The following IPO11 variants were observed in gnomAD, a reference collection of about 807,000 sequenced individuals.
IPO11 encodes the protein importin-11.
In IPO11, 66 loss-of-function variants were observed where a neutral mutation model predicts 143.2. That is an observed-to-expected ratio of 0.46 (90% CI 0.38 to 0.57). The LOEUF (loss-of-function observed/expected upper bound fraction) is 0.57, where lower values mean the gene tolerates loss of function less well. IPO11 is among the 20% of genes least tolerant of loss of function. IPO11 has a pLI of 0.00. For missense variants in IPO11, 1,026 were observed against 1,141.0 expected (o/e 0.90, Z 1.45); for synonymous variants, 385 against 377.8 (o/e 1.02, Z -0.22).
intron 24 of IPO11, among the ~76,000 whole-genome samples, chr5:62,540,710 T>C (rs1345060345): frequency 6.6e-6 from 1 of 152,246 alleles, no homozygotes; most frequent in Non-Finnish European, 1.5e-5. Context: ...AACATGGGGA[T>C]GATAACTTTA....
chr5:62,492,366 CT>C (rs1746649494), intron 15 of IPO11, among the ~76,000 whole-genome samples: 1 of 152,146 alleles, frequency 6.6e-6, no homozygotes, highest in African/African-American at 2.4e-5. Flanking sequence ...TTTTTCCACC[CT>C]TTGGCTCCAA....
At chr5:62,490,053 A>C in intron 14 of IPO11, 62 bp from the exon 15 acceptor site, 1 of 867,144 alleles carries the variant, frequency 1.2e-6, no homozygotes, top group Non-Finnish European at 1.8e-6. Flanking sequence ...TATGTTTCAT[A>C]CACTCATTTG....
intron 27 of IPO11, among the ~76,000 whole-genome samples, chr5:62,581,763 T>C (rs1744574528): frequency 6.6e-6 from 1 of 152,212 alleles, no homozygotes; most frequent in South Asian, 2.1e-4. Flanking sequence ...GTGGTTCTTA[T>C]TCTAGGTAGA....
At position 62,536,485 on chromosome 5, in the gene IPO11, C is replaced by G. The variant is rs192357984; in HGVS notation, c.2090-217C>G. 8.6e-3 allele frequency among the ~76,000 whole-genome samples: 1,308 copies of G among 151,948 alleles called. 13 individuals carry two copies. Among genetic ancestry groups the G allele is most frequent in the South Asian group, 0.021 (103 of 4,802 alleles). Reference sequence around the variant, plus strand: ...GACAGGGTCTCACTCTTTTGCCCACCCTAGAGTGCAGTGGCGTGATCATTG... The same window carrying G: ...GACAGGGTCTCACTCTTTTGCCCACGCTAGAGTGCAGTGGCGTGATCATTG... On this transcript the variant is annotated intron_variant, in intron 22 of 29. Coordinates refer to ENST00000325324, the MANE Select transcript of IPO11 (RefSeq NM_016338.5).
intron 16 of IPO11, among the ~76,000 whole-genome samples, chr5:62,500,553 A>T (rs1262865932): frequency 1.3e-5 from 2 of 152,198 alleles, no homozygotes; most frequent in Admixed American, 6.5e-5. Flanking sequence ...GCTGGAGTAC[A>T]GTGGCGTGAT....
chr5:62,580,023 A>T (rs1561371540), intron 27 of IPO11: 1 of 1,551,182 alleles, frequency 6.4e-7, no homozygotes, highest in African/African-American at 1.4e-5. Flanking sequence ...TTTTGAGGAT[A>T]TCAGAATCAG....
At chr5:62,605,431 CCTCT>C (rs1745671456) in intron 29 of IPO11, among the ~76,000 whole-genome samples, 1 of 152,248 alleles carries the variant, frequency 6.6e-6, no homozygotes, top group South Asian at 2.1e-4. Flanking sequence ...TTTCATTCAG[CCTCT>C]CTCTCTACCT....
intron 20 of IPO11, among the ~76,000 whole-genome samples, chr5:62,518,288 A>G (rs1742091835): frequency 6.6e-6 from 1 of 152,108 alleles, no homozygotes; most frequent in South Asian, 2.1e-4. Context: ...TACTAAAAAT[A>G]CAAAACTTAG....
intron 24 of IPO11, among the ~76,000 whole-genome samples, chr5:62,549,647 T>TCTTGGTC (rs1743328002): frequency 6.6e-6 from 1 of 152,176 alleles, no homozygotes; most frequent in African/African-American, 2.4e-5. Context: ...TAAATGTCCT[T>TCTTGGTC]CTTGGTCCTT....
chr5:62,439,982 A>G (rs1744406646), intron 2 of IPO11, among the ~76,000 whole-genome samples: 1 of 152,170 alleles, frequency 6.6e-6, no homozygotes, highest in African/African-American at 2.4e-5. Context: ...TTGTAAGTGT[A>G]TTTGAGATAG....
Position 62,483,994 on chromosome 5 carries a change from A to C in IPO11, c.1022-16A>C. ...TGTTTGGCTATACAATTAACTTGGA[A>C]ATTTCATTTTTCTAGATAGCAGCCC... On this transcript the variant is annotated splice_polypyrimidine_tract_variant and intron_variant, in intron 10 of 29. Transcript: ENST00000325324. 6.3e-7 allele frequency: 1 copy of C among 1,586,502 alleles called. No homozygotes were observed. The highest frequency in any genetic ancestry group is 8.5e-7 in the Non-Finnish European group (1 of 1,170,968).
At chr5:62,533,486 A>C (rs949128845) in intron 22 of IPO11, among the ~76,000 whole-genome samples, 2 of 152,152 alleles carry the variant, frequency 1.3e-5, no homozygotes, top group Non-Finnish European at 2.9e-5. Context: ...TGCTGGGATT[A>C]CAGGCGTGAG....
chr5:62,473,756 T>G (rs1745865268), intron 7 of IPO11, among the ~76,000 whole-genome samples: 1 of 152,156 alleles, frequency 6.6e-6, no homozygotes, highest in Non-Finnish European at 1.5e-5. Flanking sequence ...TTTTAAGTTT[T>G]TTTCACTATT....
At chr5:62,513,420 C>CCCA (rs1330217946) in intron 19 of IPO11, among the ~76,000 whole-genome samples, 5 of 142,378 alleles carry the variant, frequency 3.5e-5, no homozygotes, top group Non-Finnish European at 6.3e-5. Context: ...GCTGACCCCC[C>CCCA]CCCCACCTCC....
At chr5:62,564,695 C>T (rs1193074499) in intron 27 of IPO11, among the ~76,000 whole-genome samples, 1 of 152,166 alleles carries the variant, frequency 6.6e-6, no homozygotes, top group Non-Finnish European at 1.5e-5. Flanking sequence ...CCTCAAGTCA[C>T]GACAATTGAA....
At chr5:62,437,938 GT>G (rs1421531828) in intron 2 of IPO11, among the ~76,000 whole-genome samples, 1 of 152,170 alleles carries the variant, frequency 6.6e-6, no homozygotes, top group Non-Finnish European at 1.5e-5. Flanking sequence ...CTTTATTGGA[GT>G]TCAAAGTTTT....
At chr5:62,586,768 A>ATATATATAT (rs1554057002) in intron 27 of IPO11, among the ~76,000 whole-genome samples, 17 of 28,906 alleles carry the variant, frequency 5.9e-4, no homozygotes, top group Non-Finnish European at 6.9e-4. Context: ...AAAAAAAAAA[A>ATATATATAT]ATATATATAT....
At chr5:62,515,617 T>G in intron 20 of IPO11, 116 bp downstream of exon 20, 1 of 597,678 alleles carries the variant, frequency 1.7e-6, no homozygotes, top group Non-Finnish European at 2.8e-6. Context: ...ACTTCACATA[T>G]CTTTTATTTT....
chr5:62,568,459 A>G (rs1445172662), intron 27 of IPO11, among the ~76,000 whole-genome samples: 1 of 150,496 alleles, frequency 6.6e-6, no homozygotes, highest in Non-Finnish European at 1.5e-5. Flanking sequence ...CTGTAATCCC[A>G]GCTACTCGGG....
Sources: gnomAD v4.1 joint callset for allele counts (sites outside exome capture counted in the v4.1 genomes callset) on GRCh38, gnomAD v4.1.1 for gene constraint, MANE v1.5 for transcripts, NCBI Gene and HGNC (gene_info 2026-07-23, HGNC 2026-07-21) for gene names.